ANO6: variants seen among roughly 807,000 people sequenced by gnomAD.
ANO6 encodes anoctamin 6.
Under a neutral mutation model 117.5 loss-of-function variants are expected in ANO6, and 106 were observed. The ratio of observed to expected loss-of-function variants is 0.90; its 90% confidence interval spans 0.77 to 1.06. The LOEUF is 1.06. ANO6 is among the 50% of genes least tolerant of loss of function. The pLI, the probability that ANO6 is intolerant of heterozygous loss-of-function variation, is 0.00. For missense variants in ANO6, 955 were observed against 1,121.1 expected, an observed-to-expected ratio of 0.85 and a Z score of 2.12; for synonymous variants, 367 against 385.1, an observed-to-expected ratio of 0.95 and a Z score of 0.55.
At chr12:45,272,900 A>C (rs927115698) in intron 1 of ANO6, among the ~76,000 whole-genome samples, 4 of 152,208 alleles carry the variant, frequency 2.6e-5, no homozygotes, top group Non-Finnish European at 5.9e-5. Flanking sequence ...ATATGGAAAC[A>C]ACCTAAGTAT....
intron 1 of ANO6, among the ~76,000 whole-genome samples, chr12:45,286,697 A>AT: frequency 6.6e-6 from 1 of 152,246 alleles, no homozygotes. Flanking sequence ...TAAGCATAAC[A>AT]TTTTTTCCCC....
chr12:45,234,826 A>G (rs1053498995), intron 1 of ANO6, among the ~76,000 whole-genome samples: 1 of 151,622 alleles, frequency 6.6e-6, no homozygotes, highest in Non-Finnish European at 1.5e-5. Flanking sequence ...ACAATTCAGC[A>G]TTTACTATCA....
At chr12:45,398,504 C>T (rs113598565) in intron 12 of ANO6, among the ~76,000 whole-genome samples, 2 of 152,116 alleles carry the variant, frequency 1.3e-5, no homozygotes, top group African/African-American at 4.8e-5. Context: ...ATGCTTTAAT[C>T]CACTAATTTA....
At chr12:45,232,702 A>G (rs1206914405) in intron 1 of ANO6, among the ~76,000 whole-genome samples, 3 of 152,302 alleles carry the variant, frequency 2.0e-5, no homozygotes, top group East Asian at 1.9e-4. Flanking sequence ...TGATTTCTAC[A>G]GCTGTTAATG....
intron 2 of ANO6, among the ~76,000 whole-genome samples, chr12:45,306,554 C>T (rs578251327): frequency 6.6e-6 from 1 of 152,200 alleles, no homozygotes; most frequent in South Asian, 2.1e-4. Flanking sequence ...GTAACTGACT[C>T]CCTTTTTGAA....
intron 1 of ANO6, among the ~76,000 whole-genome samples, chr12:45,229,624 G>C (rs1450294230): frequency 6.6e-6 from 1 of 152,060 alleles, no homozygotes; most frequent in Non-Finnish European, 1.5e-5. Context: ...TCTTTACCTT[G>C]TGATCCGCCT....
chr12:45,332,241 CT>C (rs1940688740), intron 3 of ANO6, among the ~76,000 whole-genome samples: 1 of 151,812 alleles, frequency 6.6e-6, no homozygotes, highest in Non-Finnish European at 1.5e-5. Flanking sequence ...ATTCCTCATC[CT>C]TTTTTTCTTC....
intron 2 of ANO6, among the ~76,000 whole-genome samples, chr12:45,328,434 T>C: frequency 6.6e-6 from 1 of 152,228 alleles, no homozygotes; most frequent in East Asian, 1.9e-4. Flanking sequence ...ATGAAAAAAA[T>C]TTGATCTAGT....
At chr12:45,357,986 A>C (rs1481355686) in intron 8 of ANO6, among the ~76,000 whole-genome samples, 1 of 152,228 alleles carries the variant, frequency 6.6e-6, no homozygotes, top group African/African-American at 2.4e-5. Context: ...TGAAATTCAA[A>C]CACCAGCTGC....
At chr12:45,300,548 A>G (rs763930437) in intron 1 of ANO6, among the ~76,000 whole-genome samples, 1 of 152,160 alleles carries the variant, frequency 6.6e-6, no homozygotes, top group Non-Finnish European at 1.5e-5. Context: ...TAAGTCCTTT[A>G]TAACTGGTTT....
chr12:45,232,350 G>A (rs1027604336), intron 1 of ANO6, among the ~76,000 whole-genome samples: 1 of 152,140 alleles, frequency 6.6e-6, no homozygotes, highest in East Asian at 1.9e-4. Flanking sequence ...CTCAAAGTAG[G>A]CAGCCTAGCA....
chr12:45,224,333 C>T (rs1490711370), intron 1 of ANO6, among the ~76,000 whole-genome samples: 2 of 152,160 alleles, frequency 1.3e-5, no homozygotes, highest in African/African-American at 4.8e-5. Context: ...AATCTTGATA[C>T]ACCCTGGCCT....
At chr12:45,355,582 T>C (rs1162196133) in intron 7 of ANO6, among the ~76,000 whole-genome samples, 1 of 152,156 alleles carries the variant, frequency 6.6e-6, no homozygotes, top group Non-Finnish European at 1.5e-5. Flanking sequence ...CTCAAACCCA[T>C]GGCCAGACTT....
intron 2 of ANO6, among the ~76,000 whole-genome samples, chr12:45,323,582 A>T (rs1182569279): frequency 2.0e-5 from 3 of 152,202 alleles, no homozygotes. Context: ...GTTTTGTGCC[A>T]TTGCCTTGCA....
intron 1 of ANO6, among the ~76,000 whole-genome samples, chr12:45,293,743 T>G (rs201879426): frequency 0.057 from 7,847 of 137,694 alleles, 581 homozygotes; most frequent in East Asian, 0.34. Flanking sequence ...TTTTTTTTTT[T>G]TTTTTTTTTT....
chr12:45,406,230 A>C (rs925063332), intron 15 of ANO6, among the ~76,000 whole-genome samples: 3 of 152,252 alleles, frequency 2.0e-5, no homozygotes, highest in Admixed American at 6.5e-5. Context: ...GAGTGAATGA[A>C]TAAGTGCCTT....
intron 3 of ANO6, chr12:45,335,457 T>C (rs1001928454): frequency 6.6e-6 from 1 of 151,970 alleles, no homozygotes; most frequent in East Asian, 1.9e-4. Flanking sequence ...GAACATGATA[T>C]ATCACTCCTT....
At chr12:45,305,811 T>C (rs1259226784) in intron 2 of ANO6, among the ~76,000 whole-genome samples, 1 of 152,090 alleles carries the variant, frequency 6.6e-6, no homozygotes, top group Non-Finnish European at 1.5e-5. Context: ...TTCCCTTAGT[T>C]TGCCCAATCC....
downstream of ANO6, among the ~76,000 whole-genome samples, chr12:45,433,151 CA>C: frequency 6.6e-6 from 1 of 152,312 alleles, no homozygotes; most frequent in African/African-American, 2.4e-5. Flanking sequence ...CTAATCATCG[CA>C]TAGGATACCC....
Sources: allele counts gnomAD v4.1 joint callset (sites outside exome capture counted in the v4.1 genomes callset), GRCh38; gene constraint gnomAD v4.1.1; transcripts MANE v1.5; gene names NCBI Gene and HGNC (gene_info 2026-07-23, HGNC 2026-07-21).